The following CPQ variants were observed in gnomAD, a reference collection of about 807,000 sequenced individuals.
CPQ encodes the protein Ser-Met dipeptidase.
A neutral mutation model predicts 45.7 loss-of-function variants in CPQ; 37 were observed. The observed-to-expected ratio is 0.81, with a 90% CI of 0.62 to 1.07. The LOEUF (loss-of-function observed/expected upper bound fraction) is 1.07. Ranked by LOEUF, CPQ falls within the 50% of genes least tolerant of loss-of-function variation. The pLI is 0.00. For synonymous variants in CPQ, 186 were observed against 205.8 expected, an observed-to-expected ratio of 0.90 and a Z score of 0.82; for missense variants, 537 against 572.9, an observed-to-expected ratio of 0.94 and a Z score of 0.64.
At chr8:96,780,710 C>CTT (rs769993744) in intron 1 of CPQ, among the ~76,000 whole-genome samples, 13 of 134,834 alleles carry the variant, frequency 9.6e-5, no homozygotes, top group South Asian at 2.4e-4. Flanking sequence ...TTTTTCTTTA[C>CTT]TTTTTTTTTT....
intron 5 of CPQ, among the ~76,000 whole-genome samples, chr8:96,983,009 T>A (rs1439578810): frequency 2.0e-5 from 3 of 152,212 alleles, no homozygotes; most frequent in African/African-American, 7.2e-5. Flanking sequence ...TTGTTTCAGA[T>A]CCTTAGTTCA....
chr8:96,830,810 C>T (rs1031043898), intron 2 of CPQ, among the ~76,000 whole-genome samples: 1 of 152,134 alleles, frequency 6.6e-6, no homozygotes, highest in South Asian at 2.1e-4. Flanking sequence ...CTTAGGCTGA[C>T]TTTTATATAC....
intron 6 of CPQ, among the ~76,000 whole-genome samples, chr8:97,051,094 T>C (rs1265535781): frequency 6.6e-6 from 1 of 152,128 alleles, no homozygotes; most frequent in East Asian, 1.9e-4. Context: ...ATTAATTCCA[T>C]TGAGTTTAAT....
chr8:96,743,239 T>C (rs1162073632), intron 1 of CPQ, among the ~76,000 whole-genome samples: 6 of 152,198 alleles, frequency 3.9e-5, no homozygotes, highest in South Asian at 2.1e-4. Context: ...TCTTCCATCG[T>C]TGATACCCTT....
chr8:97,026,458 T>C (rs997283869), intron 5 of CPQ, among the ~76,000 whole-genome samples: 5 of 152,138 alleles, frequency 3.3e-5, no homozygotes, highest in African/African-American at 1.2e-4. Flanking sequence ...CCATCATGGA[T>C]TTAGGTAGCC....
intron 4 of CPQ, among the ~76,000 whole-genome samples, chr8:96,898,776 T>A (rs866393788): frequency 1.2e-3 from 166 of 137,558 alleles, no homozygotes; most frequent in Middle Eastern, 3.9e-3. Flanking sequence ...TAGGGTATAA[T>A]AAAAAAAAAA....
intron 3 of CPQ, among the ~76,000 whole-genome samples, chr8:96,871,436 C>A (rs1812065457): frequency 6.6e-6 from 1 of 150,648 alleles, no homozygotes; most frequent in African/African-American, 2.4e-5. Context: ...CAGTAGATAT[C>A]TTTCTAATAA....
intron 4 of CPQ, among the ~76,000 whole-genome samples, chr8:96,897,321 CTT>C (rs1464272347): frequency 6.6e-6 from 1 of 152,140 alleles, no homozygotes; most frequent in Non-Finnish European, 1.5e-5. Flanking sequence ...CCTCTATGCT[CTT>C]TTTTATCTAG....
intron 7 of CPQ, among the ~76,000 whole-genome samples, chr8:97,124,889 AACCTT>A: frequency 6.6e-6 from 1 of 152,302 alleles, no homozygotes; most frequent in South Asian, 2.1e-4. Flanking sequence ...CAAAAATACT[AACCTT>A]AAGTACGTAG....
At chr8:96,937,786 T>C (rs1198698501) in intron 4 of CPQ, among the ~76,000 whole-genome samples, 1 of 152,156 alleles carries the variant, frequency 6.6e-6, no homozygotes, top group Non-Finnish European at 1.5e-5. Context: ...TACTAAACCT[T>C]ACAGAAGCTA....
intron 7 of CPQ, among the ~76,000 whole-genome samples, chr8:97,073,623 G>T (rs370945827): frequency 1.3e-5 from 2 of 152,168 alleles, no homozygotes; most frequent in Admixed American, 1.3e-4. Context: ...AGCATGTGTT[G>T]AGTGCCTGCT....
At chr8:97,075,629 AAAG>A (rs1477428028) in intron 7 of CPQ, among the ~76,000 whole-genome samples, 46 of 152,312 alleles carry the variant, frequency 3.0e-4, no homozygotes, top group Middle Eastern at 3.4e-3. Flanking sequence ...AGTGGAGTAT[AAAG>A]AAGAAGGATT....
chr8:97,080,501 T>G (rs2513406), intron 7 of CPQ, among the ~76,000 whole-genome samples: 82,406 of 152,066 alleles, frequency 0.54, 23,281 homozygotes, highest in Non-Finnish European at 0.63. Context: ...GGTAGGACTT[T>G]TTACTATAAA....
chr8:96,663,901 A>C (rs2130714572), intron 1 of CPQ, among the ~76,000 whole-genome samples: 1 of 152,330 alleles, frequency 6.6e-6, no homozygotes, highest in Middle Eastern at 3.4e-3. Flanking sequence ...AGAAGAATCA[A>C]AGGAGTTTAA....
At chr8:96,877,107 G>A (rs1812156349) in intron 3 of CPQ, among the ~76,000 whole-genome samples, 1 of 152,158 alleles carries the variant, frequency 6.6e-6, no homozygotes, top group African/African-American at 2.4e-5. Flanking sequence ...GGACAGGACG[G>A]TGGTGTTTGT....
chr8:96,661,960 G>A (rs1386937876), intron 1 of CPQ, among the ~76,000 whole-genome samples: 4 of 152,210 alleles, frequency 2.6e-5, no homozygotes, highest in Non-Finnish European at 4.4e-5. Flanking sequence ...GGTGTTGTCA[G>A]TATTATGGTT....
At chr8:96,893,015 T>G (rs1812397816) in intron 4 of CPQ, among the ~76,000 whole-genome samples, 1 of 152,190 alleles carries the variant, frequency 6.6e-6, no homozygotes, top group African/African-American at 2.4e-5. Flanking sequence ...GTGTTTCTCA[T>G]ACATTATCTC....
intron 6 of CPQ, among the ~76,000 whole-genome samples, chr8:97,035,408 T>C (rs922694401): frequency 9.2e-5 from 14 of 152,194 alleles, no homozygotes; most frequent in Non-Finnish European, 1.8e-4. Context: ...CTGGGTCATA[T>C]GATAGGTGAT....
chr8:96,869,265 A>G (rs1812034299), intron 3 of CPQ, among the ~76,000 whole-genome samples: 1 of 152,014 alleles, frequency 6.6e-6, no homozygotes, highest in African/African-American at 2.4e-5. Flanking sequence ...AGGCTGCCAA[A>G]TGCTCTAAAG....
Sources: gnomAD v4.1 joint callset for allele counts (sites outside exome capture counted in the v4.1 genomes callset) on GRCh38, gnomAD v4.1.1 for gene constraint, MANE v1.5 for transcripts, NCBI Gene and HGNC (gene_info 2026-07-23, HGNC 2026-07-21) for gene names.